ACTN4: variants seen among roughly 807,000 people sequenced by gnomAD.
ACTN4 encodes actinin alpha 4.
ACTN4 carries 18 observed loss-of-function variants against 114.2 expected under a neutral mutation model. The observed-to-expected ratio is 0.16, with a 90% CI of 0.11 to 0.23. ACTN4 has a LOEUF of 0.23. ACTN4 is among the 10% of genes least tolerant of loss of function. ACTN4 has a pLI of 1.00. For missense variants in ACTN4, 722 were observed against 1,262.9 expected (o/e 0.57, Z 6.49); for synonymous variants, 515 against 506.3 (o/e 1.02, Z -0.23).
intron 11 of ACTN4, 92 bp downstream of exon 11, chr19:38,718,166 C>T (rs1225563489): frequency 1.3e-6 from 2 of 1,542,922 alleles, no homozygotes; most frequent in African/African-American, 2.7e-5. Context: ...ACACAGCCCC[C>T]TGCCACGTTG....
intron 1 of ACTN4, among the ~76,000 whole-genome samples, chr19:38,663,880 T>G (rs1976968977): frequency 6.6e-6 from 1 of 152,182 alleles, no homozygotes; most frequent in African/African-American, 2.4e-5. Context: ...GGGGGTGCCT[T>G]CTGAGGCATA....
intron 12 of ACTN4, 112 bp downstream of exon 12, chr19:38,721,800 C>G (rs1969054603): frequency 6.8e-7 from 1 of 1,477,958 alleles, no homozygotes; most frequent in African/African-American, 1.4e-5. Flanking sequence ...AATAGGGTCC[C>G]CAGTGCCCCA....
Position 38,701,107 on chromosome 19 carries a change from C to T in ACTN4, c.383C>T (p.Ser128Phe), listed in dbSNP as rs1968259200. Reference protein sequence around the residue: ...FIASKGVKLVSIGAEEIVDGN... With the variant: ...FIASKGVKLVFIGAEEIVDGN... ...GCCAGCAAAGGCGTCAAGCTGGTCT[C>T]CATCGGGGCAGAAGGTGAGCTGGAG... The change falls in exon 3 of 21, where the codon TCC becomes TTC. Residue 128 changes from serine (S) to phenylalanine (F), a missense_variant. Transcript: ENST00000252699. The T allele has an allele frequency of 6.2e-7, 1 of 1,614,044 alleles. No homozygotes were observed.
At chr19:38,728,257 G>A (rs1969315162) in intron 19 of ACTN4, 26 of 1,514,412 alleles carry the variant, frequency 1.7e-5, no homozygotes, top group Admixed American at 2.0e-5. Flanking sequence ...CACATGGGGC[G>A]GCCCCTCTTG....
chr19:38,714,067 C>T (rs895765027), intron 8 of ACTN4, among the ~76,000 whole-genome samples: 1 of 152,226 alleles, frequency 6.6e-6, no homozygotes, highest in African/African-American at 2.4e-5. Context: ...CGCCCCTGCT[C>T]TGTTGCCCCC....
chr19:38,686,882 C>A (rs149388720), intron 1 of ACTN4, among the ~76,000 whole-genome samples: 1 of 151,976 alleles, frequency 6.6e-6, no homozygotes, highest in Non-Finnish European at 1.5e-5. Flanking sequence ...GCTCCTACCC[C>A]GGGCCGCCTA....
rs1048457624 is a variant in ACTN4, at chr19:38,727,787, C to T, written c.2338-159C>T. 1.4e-6 allele frequency: 1 copy of T among 695,848 alleles called. No homozygotes were observed. Among genetic ancestry groups the T allele is most frequent in the Non-Finnish European group, 2.5e-6 (1 of 402,664 alleles). 43.1% of individuals were successfully genotyped at this position (695,848 alleles called of 1,614,324 possible). On this transcript the variant is annotated intron_variant, in intron 18 of 20. Coordinates refer to ENST00000252699, the MANE Select transcript of ACTN4 (RefSeq NM_004924.6). This position sits in a 1 kb window ranked among gnomAD's most constrained non-coding sequence, Gnocchi z 5.4. Reference sequence around the variant, plus strand: ...AAAGGGGCCCGTGCCGCCCCCGACCCCACGTGTCCCTGGCCATCTCCTTGT... The same window carrying T: ...AAAGGGGCCCGTGCCGCCCCCGACCTCACGTGTCCCTGGCCATCTCCTTGT...
At chr19:38,649,702 G>C (rs1976501232) in intron 1 of ACTN4, among the ~76,000 whole-genome samples, 1 of 152,140 alleles carries the variant, frequency 6.6e-6, no homozygotes, top group Non-Finnish European at 1.5e-5. Flanking sequence ...GCAGAGTGGG[G>C]AGTGACTGGA....
intron 1 of ACTN4, among the ~76,000 whole-genome samples, chr19:38,677,109 C>A (rs116475479): frequency 0.014 from 2,144 of 152,250 alleles, 56 homozygotes; most frequent in African/African-American, 0.047. Context: ...CCACCTACCT[C>A]CTCCTCATTC....
intron 1 of ACTN4, among the ~76,000 whole-genome samples, chr19:38,682,918 C>G (rs1451832557): frequency 6.6e-6 from 1 of 152,204 alleles, no homozygotes; most frequent in Non-Finnish European, 1.5e-5. Context: ...CCCTCCCCTC[C>G]CCAGTCACAT....
intron 1 of ACTN4, among the ~76,000 whole-genome samples, chr19:38,680,578 C>T (rs1191814812): frequency 6.6e-6 from 1 of 152,136 alleles, no homozygotes; most frequent in Non-Finnish European, 1.5e-5. Context: ...ATGCCCACTG[C>T]TTGTGCAGTA....
rs182434510 is a variant in ACTN4, at chr19:38,711,936, C to T, written c.819+1594C>T. Among the ~76,000 whole-genome samples, 195 of 152,340 alleles carry T rather than the reference C, an allele frequency of 1.3e-3. 1 individual carries two copies. The highest frequency in any genetic ancestry group is 3.1e-4 in the Non-Finnish European group (21 of 68,032). On this transcript the variant is annotated intron_variant, in intron 8 of 20. Coordinates refer to ENST00000252699, the MANE Select transcript of ACTN4 (RefSeq NM_004924.6). Reference sequence around the variant, plus strand: ...CCTCATGCTGCCTCACAGCTCCTGCCGGGCCCTCAGCGTTCACGCAGAGGC... The same window carrying T: ...CCTCATGCTGCCTCACAGCTCCTGCTGGGCCCTCAGCGTTCACGCAGAGGC...
chr19:38,666,354 C>G (rs1374612756), intron 1 of ACTN4, among the ~76,000 whole-genome samples: 1 of 152,222 alleles, frequency 6.6e-6, no homozygotes, highest in Non-Finnish European at 1.5e-5. Flanking sequence ...GGAGTGACAA[C>G]CGATGGGGGC....
At chr19:38,673,613 A>T (rs1341773422) in intron 1 of ACTN4, among the ~76,000 whole-genome samples, 1 of 76,032 alleles carries the variant, frequency 1.3e-5, no homozygotes, top group African/African-American at 4.4e-5. Context: ...ATATTCATTT[A>T]TATTTATATA....
intron 1 of ACTN4, chr19:38,648,229 A>C: frequency 4.2e-6 from 1 of 240,358 alleles, no homozygotes; most frequent in Non-Finnish European, 8.1e-6. Context: ...GGCAGGCTGA[A>C]ATGGAACTGG....
rs138905503 is a variant in ACTN4 at position 38,709,260 on chromosome 19, G to A, written c.652-135G>A. The A allele has an allele frequency of 1.1e-4, 84 of 752,694 alleles. No homozygotes were observed. In the Admixed American group the frequency reaches 1.2e-3, roughly 11 times the overall value. 46.6% of individuals were successfully genotyped at this position (752,694 alleles called of 1,614,324 possible). On this transcript the variant is annotated intron_variant, in intron 6 of 20. Coordinates refer to ENST00000252699, the MANE Select transcript of ACTN4 (RefSeq NM_004924.6). ...GTGCCCTCCCGCTCACACATCACAC[G>A]TGGCTGAGAACTGCCTGAAGAAACC...
At chr19:38,681,702 C>T (rs939486699) in intron 1 of ACTN4, among the ~76,000 whole-genome samples, 3 of 152,218 alleles carry the variant, frequency 2.0e-5, no homozygotes. Flanking sequence ...CCGAGCTGTG[C>T]ACTCCTCCAG....
At chr19:38,723,873 CCCTCCTGCT>C in intron 13 of ACTN4, 55 bp from the exon 14 acceptor site, 1 of 1,580,294 alleles carries the variant, frequency 6.3e-7, no homozygotes. Context: ...CCCTCCCCAC[CCCTCCTGCT>C]CACATACTGA....
intron 19 of ACTN4, chr19:38,728,446 C>CCTCCTCCTCCTT: frequency 9.4e-7 from 1 of 1,069,096 alleles, no homozygotes; most frequent in South Asian, 1.5e-5. Flanking sequence ...TCCTCCTCCT[C>CCTCCTCCTCCTT]CTCCCCCCCA....
Sources: gnomAD v4.1 joint callset for allele counts (sites outside exome capture counted in the v4.1 genomes callset) on GRCh38, gnomAD v4.1.1 for gene constraint, Gnocchi (gnomAD v3.1) non-coding constraint, MANE v1.5 for transcripts, NCBI Gene and HGNC (gene_info 2026-07-23, HGNC 2026-07-21) for gene names.